Variants in SLC24A2 observed in about 807,000 individuals in gnomAD.
The protein encoded by SLC24A2 is solute carrier family 24 member 2.
SLC24A2 carries 36 observed loss-of-function variants against 62.0 expected under a neutral mutation model. The ratio of observed to expected loss-of-function variants is 0.58; its 90% confidence interval spans 0.44 to 0.77. The LOEUF is 0.77. Ranked by LOEUF, SLC24A2 falls within the 30% of genes least tolerant of loss-of-function variation. The pLI is 0.00. For missense variants in SLC24A2, 846 were observed against 817.9 expected (o/e 1.03, Z -0.42); for synonymous variants, 358 against 294.0 (o/e 1.22, Z -2.23).
At chr9:19,938,240 C>A in the SLC24A2 span, among the ~76,000 whole-genome samples, 1 of 152,054 alleles carries the variant, frequency 6.6e-6, no homozygotes, top group Non-Finnish European at 1.5e-5. Context: ...CAGTTGCCCA[C>A]TGTTGGACAT....
chr9:20,076,032 A>T, the SLC24A2 span, among the ~76,000 whole-genome samples: 1 of 152,166 alleles, frequency 6.6e-6, no homozygotes, highest in South Asian at 2.1e-4. Context: ...GTTACACTCT[A>T]TTGTTTAGGG....
the SLC24A2 span, among the ~76,000 whole-genome samples, chr9:20,119,863 A>T: frequency 1.3e-5 from 2 of 152,208 alleles, no homozygotes; most frequent in Non-Finnish European, 2.9e-5. Context: ...ATCCTAAGGA[A>T]TTGTATTAAC....
At chr9:19,843,910 T>G in the SLC24A2 span, among the ~76,000 whole-genome samples, 2 of 152,216 alleles carry the variant, frequency 1.3e-5, no homozygotes, top group African/African-American at 4.8e-5. Flanking sequence ...GACATTTTCT[T>G]TGTCCAGTCC....
chr9:19,885,757 A>G, the SLC24A2 span, among the ~76,000 whole-genome samples: 96 of 151,872 alleles, frequency 6.3e-4, no homozygotes, highest in Admixed American at 2.0e-3. Flanking sequence ...CCCACCCTGT[A>G]CTCTCAATTA....
chr9:20,232,047 G>T, the SLC24A2 span, among the ~76,000 whole-genome samples: 1 of 152,056 alleles, frequency 6.6e-6, no homozygotes, highest in Non-Finnish European at 1.5e-5. Context: ...TTATTGATTT[G>T]CATATGTTGA....
At chr9:19,966,354 T>C in the SLC24A2 span, among the ~76,000 whole-genome samples, 1 of 152,174 alleles carries the variant, frequency 6.6e-6, no homozygotes, top group Admixed American at 6.6e-5. Context: ...CATATAATAA[T>C]GGTGTAAAAC....
At chr9:19,738,313 A>G (rs1821569236) in intron 2 of SLC24A2, among the ~76,000 whole-genome samples, 1 of 152,196 alleles carries the variant, frequency 6.6e-6, no homozygotes, top group South Asian at 2.1e-4. Context: ...TCAAAACTGT[A>G]GGGCAAGAGA....
At chr9:20,270,006 G>C in the SLC24A2 span, among the ~76,000 whole-genome samples, 837 of 152,290 alleles carry the variant, frequency 5.5e-3, 16 homozygotes, top group Non-Finnish European at 8.0e-3. Flanking sequence ...ATCATAACAT[G>C]GTGGAGAATT....
At chr9:19,659,242 C>T (rs1313322968) in intron 2 of SLC24A2, among the ~76,000 whole-genome samples, 1 of 152,100 alleles carries the variant, frequency 6.6e-6, no homozygotes, top group Non-Finnish European at 1.5e-5. Flanking sequence ...TGGTGAACAC[C>T]AGAAGCTAAG....
At chr9:19,930,707 A>G in the SLC24A2 span, among the ~76,000 whole-genome samples, 3 of 152,064 alleles carry the variant, frequency 2.0e-5, no homozygotes, top group Admixed American at 6.5e-5. Flanking sequence ...AGGTTCACAG[A>G]TCCCCTGCAG....
chr9:19,565,277 C>CA (rs2132819843), intron 7 of SLC24A2, among the ~76,000 whole-genome samples: 2 of 150,594 alleles, frequency 1.3e-5, no homozygotes, highest in East Asian at 3.9e-4. Context: ...TCTCAGGATA[C>CA]AAAATCAATG....
chr9:19,598,136 A>T (rs1213611746), intron 4 of SLC24A2, among the ~76,000 whole-genome samples: 1 of 152,216 alleles, frequency 6.6e-6, no homozygotes, highest in Non-Finnish European at 1.5e-5. Flanking sequence ...TTAAAATAGC[A>T]ACTTTTATCC....
At chr9:19,637,806 A>G (rs1284480883) in intron 2 of SLC24A2, among the ~76,000 whole-genome samples, 1 of 152,210 alleles carries the variant, frequency 6.6e-6, no homozygotes, top group African/African-American at 2.4e-5. Context: ...TGTTGGTAAA[A>G]TGCCATTTCC....
the SLC24A2 span, among the ~76,000 whole-genome samples, chr9:20,231,418 G>A: frequency 6.6e-6 from 1 of 152,098 alleles, no homozygotes; most frequent in Non-Finnish European, 1.5e-5. Context: ...ATTGAGCAGT[G>A]GTTTGTAGTT....
At chr9:20,022,661 A>T in the SLC24A2 span, among the ~76,000 whole-genome samples, 1 of 152,156 alleles carries the variant, frequency 6.6e-6, no homozygotes, top group Non-Finnish European at 1.5e-5. Flanking sequence ...CTTCTCTCTC[A>T]CCAATTCCAT....
At chr9:19,559,435 C>A (rs777169527) in intron 7 of SLC24A2, among the ~76,000 whole-genome samples, 1 of 152,134 alleles carries the variant, frequency 6.6e-6, no homozygotes. Context: ...GGAGAAAATA[C>A]GATTTTATTC....
chr9:19,910,229 A>T, the SLC24A2 span, among the ~76,000 whole-genome samples: 1 of 152,030 alleles, frequency 6.6e-6, no homozygotes, highest in South Asian at 2.1e-4. Context: ...TCGAAGCCAA[A>T]AACCTAGGAG....
chr9:20,163,082 A>G, the SLC24A2 span, among the ~76,000 whole-genome samples: 4 of 151,982 alleles, frequency 2.6e-5, no homozygotes, highest in African/African-American at 7.2e-5. Context: ...AGACAGGGAT[A>G]CCCTCTCTCA....
the SLC24A2 span, among the ~76,000 whole-genome samples, chr9:20,094,412 C>A: frequency 3.9e-5 from 6 of 152,108 alleles, no homozygotes; most frequent in Non-Finnish European, 4.4e-5. Flanking sequence ...AAAGGAACTG[C>A]GAGTATTTGT....
Sources: allele counts gnomAD v4.1 joint callset (sites outside exome capture counted in the v4.1 genomes callset), GRCh38; gene constraint gnomAD v4.1.1; transcripts MANE v1.5; gene names NCBI Gene and HGNC (gene_info 2026-07-23, HGNC 2026-07-21).